Variants in NRXN1 observed in about 807,000 individuals in gnomAD.
The protein encoded by NRXN1 is neurexin-1.
NRXN1 carries 39 observed loss-of-function variants against 150.9 expected under a neutral mutation model. The observed-to-expected ratio is 0.26, with a 90% CI of 0.20 to 0.34. The LOEUF (loss-of-function observed/expected upper bound fraction) is 0.34. Ranked by LOEUF, NRXN1 falls within the 10% of genes least tolerant of loss-of-function variation. The probability of loss-of-function intolerance (pLI) is 1.00; values close to 1 mark genes in which losing one functional copy is unlikely to be tolerated. For synonymous variants in NRXN1, 924 were observed against 757.0 expected (o/e 1.22, Z -3.62); for missense variants, 1,815 against 1,949.9 (o/e 0.93, Z 1.30).
At chr2:50,152,972 G>A (rs1269491314) in intron 18 of NRXN1, among the ~76,000 whole-genome samples, 4 of 151,278 alleles carry the variant, frequency 2.6e-5, no homozygotes, top group Admixed American at 6.6e-5. Flanking sequence ...TTTGTTTGAT[G>A]GTGTTCTATA....
chr2:50,941,224 C>T (rs749109316), intron 2 of NRXN1, among the ~76,000 whole-genome samples: 1 of 152,126 alleles, frequency 6.6e-6, no homozygotes, highest in Non-Finnish European at 1.5e-5. Context: ...TCAATTTAAA[C>T]TCTTTATGAA....
chr2:50,716,236 C>G (rs1365296743), intron 5 of NRXN1, among the ~76,000 whole-genome samples: 1 of 152,072 alleles, frequency 6.6e-6, no homozygotes, highest in Non-Finnish European at 1.5e-5. Flanking sequence ...ACATGTTTAA[C>G]AGAATTAGCA....
At chr2:49,990,574 C>T (rs1378793897) in intron 21 of NRXN1, among the ~76,000 whole-genome samples, 1 of 152,088 alleles carries the variant, frequency 6.6e-6, no homozygotes, top group East Asian at 1.9e-4. Context: ...TGGCTTGCCA[C>T]AGGTATTGGT....
At chr2:50,287,098 C>T (rs1488425637) in intron 17 of NRXN1, among the ~76,000 whole-genome samples, 1 of 152,048 alleles carries the variant, frequency 6.6e-6, no homozygotes, top group Non-Finnish European at 1.5e-5. Flanking sequence ...CATGACTTAA[C>T]TGAGCTTAAT....
intron 21 of NRXN1, among the ~76,000 whole-genome samples, chr2:50,018,551 A>G (rs1291935216): frequency 2.0e-5 from 3 of 152,110 alleles, no homozygotes; most frequent in African/African-American, 7.2e-5. Flanking sequence ...TATTATTATC[A>G]CACCTCCCCT....
chr2:49,939,036 G>T (rs2104321715), intron 22 of NRXN1, among the ~76,000 whole-genome samples: 1 of 152,182 alleles, frequency 6.6e-6, no homozygotes, highest in South Asian at 2.1e-4. Context: ...TTATATTTGT[G>T]TGAAAAACAA....
chr2:50,729,495 T>C (rs1478333701), intron 5 of NRXN1, among the ~76,000 whole-genome samples: 1 of 152,188 alleles, frequency 6.6e-6, no homozygotes, highest in Non-Finnish European at 1.5e-5. Flanking sequence ...CCTGGGGTCT[T>C]AGCCACAGTG....
rs186810580 is a variant in NRXN1 at position 50,746,487 on chromosome 2, G to A, written c.833-122872C>T. Among the ~76,000 whole-genome samples, 346 of 152,170 alleles carry A rather than the reference G, an allele frequency of 2.3e-3. 2 individuals are homozygous for A. The highest frequency in any genetic ancestry group is 7.8e-3 in the African/African-American group (323 of 41,518). On this transcript the variant is annotated intron_variant, in intron 5 of 22. Coordinates refer to ENST00000401669, the MANE Select transcript of NRXN1 (RefSeq NM_001330078.2). ...GCAGAAGGATGGCTTAAGCCCAGGA[G>A]CTTGAGGCTGCAGTGAGCCATGATT...
chr2:49,970,280 C>G (rs2152494459), intron 21 of NRXN1: 1 of 152,008 alleles, frequency 6.6e-6, no homozygotes, highest in Middle Eastern at 3.4e-3. Flanking sequence ...GAAATCTGAG[C>G]TAGTTACTTA....
At chr2:50,238,219 T>C (rs1406821647) in intron 17 of NRXN1, among the ~76,000 whole-genome samples, 3 of 152,036 alleles carry the variant, frequency 2.0e-5, no homozygotes, top group African/African-American at 7.2e-5. Context: ...TATTTTGAGG[T>C]CCTGAATAGA....
At chr2:50,715,495 T>G (rs1574217557) in intron 5 of NRXN1, among the ~76,000 whole-genome samples, 1 of 152,196 alleles carries the variant, frequency 6.6e-6, no homozygotes, top group Non-Finnish European at 1.5e-5. Context: ...AATATTGTTA[T>G]TATTTCTATA....
intron 5 of NRXN1, chr2:50,919,365 A>C (rs10202280): frequency 6.6e-6 from 1 of 151,894 alleles, no homozygotes; most frequent in East Asian, 2.0e-4. Flanking sequence ...TGTTCTTTTT[A>C]CATGTGTTAA....
chr2:50,136,686 T>TA (rs758716414), intron 18 of NRXN1, among the ~76,000 whole-genome samples: 1 of 152,216 alleles, frequency 6.6e-6, no homozygotes, highest in African/African-American at 2.4e-5. Flanking sequence ...TAATCAGGCA[T>TA]AACAGCCATG....
At chr2:50,557,482 C>G (rs1367353377) in intron 8 of NRXN1, among the ~76,000 whole-genome samples, 2 of 152,054 alleles carry the variant, frequency 1.3e-5, no homozygotes, top group African/African-American at 4.8e-5. Context: ...GGAGTGAGGC[C>G]TAAGAATTTG....
At chr2:50,986,098 A>C (rs748723668) in intron 2 of NRXN1, among the ~76,000 whole-genome samples, 30 of 151,706 alleles carry the variant, frequency 2.0e-4, no homozygotes, top group Admixed American at 5.3e-4. Context: ...AATTAAAGTT[A>C]ACTTAACATA....
At chr2:50,146,584 AATG>A (rs986357478) in intron 18 of NRXN1, among the ~76,000 whole-genome samples, 22 of 151,672 alleles carry the variant, frequency 1.5e-4, no homozygotes, top group African/African-American at 5.1e-4. Context: ...TGTGAAAATA[AATG>A]ATAAGATATT....
chr2:50,391,600 G>A, intron 17 of NRXN1, among the ~76,000 whole-genome samples: 1 of 152,200 alleles, frequency 6.6e-6, no homozygotes, highest in African/African-American at 2.4e-5. Context: ...GTTGGTTTTT[G>A]TCACAATGCA....
At chr2:50,403,679 T>C (rs1172058850) in intron 17 of NRXN1, among the ~76,000 whole-genome samples, 1 of 152,148 alleles carries the variant, frequency 6.6e-6, no homozygotes, top group Non-Finnish European at 1.5e-5. Flanking sequence ...TTATGCTACT[T>C]TAAAATTTTT....
chr2:50,048,929 C>T (rs899995346), intron 21 of NRXN1, among the ~76,000 whole-genome samples: 2 of 152,044 alleles, frequency 1.3e-5, no homozygotes, highest in South Asian at 4.1e-4. Flanking sequence ...AAACCAGAAT[C>T]TCTCAAAATT....
Sources: gnomAD v4.1 joint callset for allele counts (sites outside exome capture counted in the v4.1 genomes callset) on GRCh38, gnomAD v4.1.1 for gene constraint, MANE v1.5 for transcripts, NCBI Gene and HGNC (gene_info 2026-07-23, HGNC 2026-07-21) for gene names.